Variants in CSRNP3 observed in about 807,000 individuals in gnomAD.
CSRNP3 encodes cysteine and serine rich nuclear protein 3.
A neutral mutation model predicts 48.0 loss-of-function variants in CSRNP3; 12 were observed. The observed-to-expected ratio is 0.25, with a 90% CI of 0.16 to 0.41. The LOEUF (loss-of-function observed/expected upper bound fraction) is 0.41, where lower values mean the gene tolerates loss of function less well. Among genes scored for constraint, CSRNP3 ranks in the 10% least tolerant of loss-of-function variants. The probability of loss-of-function intolerance (pLI) is 1.00; values close to 1 mark genes in which losing one functional copy is unlikely to be tolerated. For synonymous variants in CSRNP3, 263 were observed against 269.7 expected (o/e 0.98, Z 0.24); for missense variants, 580 against 724.4 (o/e 0.80, Z 2.29).
chr2:165,665,724 T>C (rs897870213), intron 5 of CSRNP3, among the ~76,000 whole-genome samples: 1 of 150,878 alleles, frequency 6.6e-6, no homozygotes, highest in African/African-American at 2.5e-5. Flanking sequence ...TGTGCCATTG[T>C]ACTGTAGCCT....
rs1482776688 is a variant in CSRNP3, at chr2:165,487,248, A to C, written c.-282-7511A>C. ...AGCAAGAAGGGAAGTTTAGAGAAAA[A>C]AGAATAAAAAGAAAGGAGCAAAGCC... On this transcript the variant is annotated intron_variant, in intron 1 of 6. Transcript: ENST00000651982. 5.8e-3 allele frequency among the ~76,000 whole-genome samples: 838 copies of C among 145,160 alleles called. 13 individuals are homozygous for C. Among genetic ancestry groups the C allele is most frequent in the African/African-American group, 0.019 (724 of 37,612 alleles).
At chr2:165,638,396 T>C (rs1181132017) in intron 4 of CSRNP3, among the ~76,000 whole-genome samples, 1 of 151,936 alleles carries the variant, frequency 6.6e-6, no homozygotes. Context: ...AGGTGGCGGA[T>C]ATTGCAGTGA....
chr2:165,635,350 G>A (rs1006765802), intron 4 of CSRNP3, among the ~76,000 whole-genome samples: 1 of 152,158 alleles, frequency 6.6e-6, no homozygotes, highest in African/African-American at 2.4e-5. Flanking sequence ...TCCTTTTGAT[G>A]ACAAGAGCCT....
In CSRNP3 at chr2:165,684,069, T is replaced by A. The variant is rs1010554002; in HGVS notation, c.*4316T>A. ...CTATCAGACAGTTTCAAGGAGGATT[T>A]GACTCATGCATAACCCAGGAAACAT... On this transcript the variant is annotated 3_prime_UTR_variant, in exon 7 of 7. Coordinates refer to ENST00000651982, the MANE Select transcript of CSRNP3 (RefSeq NM_001172173.2). 4 of 152,172 alleles carry A rather than the reference T, an allele frequency of 2.6e-5. No homozygotes were observed. Among genetic ancestry groups the A allele is most frequent in the African/African-American group, 9.6e-5 (4 of 41,464 alleles). The allele number at this position is 152,172 out of a possible 1,614,324, so 9.4% of individuals were successfully genotyped here.
chr2:165,565,159 C>G lies in CSRNP3; in HGVS notation c.-23-29884C>G, dbSNP rs141169868. Among the ~76,000 whole-genome samples, 133 of 152,064 alleles carry G rather than the reference C, an allele frequency of 8.7e-4. 1 individual carries two copies. Among genetic ancestry groups the G allele is most frequent in the African/African-American group, 3.1e-3 (128 of 41,482 alleles). ...AAAGAGTAGTGGTTGCTGTAGTACC[C>G]ACGGTTGTCAGCGAAAGTTATCAGG... On this transcript the variant is annotated intron_variant, in intron 3 of 6. Coordinates refer to ENST00000651982, the MANE Select transcript of CSRNP3 (RefSeq NM_001172173.2).
intron 3 of CSRNP3, among the ~76,000 whole-genome samples, chr2:165,548,187 T>G (rs1685055552): frequency 6.6e-6 from 1 of 152,060 alleles, no homozygotes; most frequent in African/African-American, 2.4e-5. Flanking sequence ...TAAGAAATAG[T>G]GAGGTGGAAA....
At chr2:165,498,605 G>T (rs192602287) in intron 2 of CSRNP3, among the ~76,000 whole-genome samples, 2 of 151,886 alleles carry the variant, frequency 1.3e-5, no homozygotes, top group African/African-American at 4.8e-5. Flanking sequence ...TTTAAATTTG[G>T]CTTTAAACTC....
intron 2 of CSRNP3, among the ~76,000 whole-genome samples, chr2:165,500,190 T>C (rs1453604651): frequency 1.3e-5 from 2 of 151,628 alleles, no homozygotes; most frequent in African/African-American, 2.4e-5. Context: ...CTGTGGTGGG[T>C]CCCATTAATT....
intron 3 of CSRNP3, among the ~76,000 whole-genome samples, chr2:165,546,678 C>A (rs1048026496): frequency 6.6e-6 from 1 of 152,118 alleles, no homozygotes; most frequent in Admixed American, 6.5e-5. Flanking sequence ...ATGTAGAGCA[C>A]ATTTGAATGA....
intron 3 of CSRNP3, among the ~76,000 whole-genome samples, chr2:165,541,449 A>G (rs1485079118): frequency 2.0e-5 from 3 of 151,968 alleles, no homozygotes; most frequent in African/African-American, 7.3e-5. Flanking sequence ...CTCTGTCTTC[A>G]GCTACTTCAA....
At chr2:165,529,518 T>C (rs1684784850) in intron 3 of CSRNP3, among the ~76,000 whole-genome samples, 1 of 152,208 alleles carries the variant, frequency 6.6e-6, no homozygotes, top group African/African-American at 2.4e-5. Flanking sequence ...GTGTGTTCAT[T>C]AAACCTATTT....
At chr2:165,530,081 A>G (rs549840024) in intron 3 of CSRNP3, among the ~76,000 whole-genome samples, 4 of 152,206 alleles carry the variant, frequency 2.6e-5, no homozygotes, top group Admixed American at 1.3e-4. Flanking sequence ...CAACATTGTC[A>G]TAGACTAGAA....
At chr2:165,600,505 C>G (rs999254482) in intron 4 of CSRNP3, among the ~76,000 whole-genome samples, 1 of 152,190 alleles carries the variant, frequency 6.6e-6, no homozygotes, top group Non-Finnish European at 1.5e-5. Flanking sequence ...TGAGGAATCA[C>G]CACACTGACC....
At chr2:165,603,962 C>G (rs576270010) in intron 4 of CSRNP3, among the ~76,000 whole-genome samples, 1 of 152,272 alleles carries the variant, frequency 6.6e-6, no homozygotes, top group East Asian at 1.9e-4. Flanking sequence ...CCCTAATAGG[C>G]AGGGCTCTCA....
chr2:165,541,866 C>T (rs1343816952), intron 3 of CSRNP3, among the ~76,000 whole-genome samples: 1 of 152,040 alleles, frequency 6.6e-6, no homozygotes, highest in Non-Finnish European at 1.5e-5. Flanking sequence ...CCAACAATTC[C>T]CTTCTACAGA....
intron 3 of CSRNP3, among the ~76,000 whole-genome samples, chr2:165,588,509 G>A (rs1470964642): frequency 6.6e-6 from 1 of 152,240 alleles, no homozygotes; most frequent in Non-Finnish European, 1.5e-5. Context: ...AGAAATGGTG[G>A]TGCCCTTGAC....
intron 3 of CSRNP3, among the ~76,000 whole-genome samples, chr2:165,530,766 A>T (rs1684799545): frequency 6.6e-6 from 1 of 152,082 alleles, no homozygotes; most frequent in Non-Finnish European, 1.5e-5. Flanking sequence ...CAAAATAAAT[A>T]TCTACAAATT....
At position 165,614,452 on chromosome 2, in the gene CSRNP3, T is replaced by C. The variant is rs1686196575; in HGVS notation, c.148+19239T>C. On this transcript the variant is annotated intron_variant, in intron 4 of 6. Transcript: ENST00000651982. ...TTGCCCAATTGCTATGATCAAGACT[T>C]CTAGAACTATGTTGAATAAGAGTGG... 1.3e-5 allele frequency among the ~76,000 whole-genome samples: 2 copies of C among 152,206 alleles called. 1 individual carries two copies. The highest frequency in any genetic ancestry group is 4.1e-4 in the South Asian group (2 of 4,830).
chr2:165,535,355 T>C (rs1684868247), intron 3 of CSRNP3, among the ~76,000 whole-genome samples: 1 of 151,442 alleles, frequency 6.6e-6, no homozygotes, highest in Non-Finnish European at 1.5e-5. Flanking sequence ...TAAAACTCTG[T>C]AATAACCTGT....
Sources: gnomAD v4.1 joint callset for allele counts (sites outside exome capture counted in the v4.1 genomes callset) on GRCh38, gnomAD v4.1.1 for gene constraint, MANE v1.5 for transcripts, NCBI Gene and HGNC (gene_info 2026-07-23, HGNC 2026-07-21) for gene names.